Variants in PCDH15 observed in about 807,000 individuals in gnomAD.
PCDH15 encodes the protein protocadherin-15.
PCDH15 carries 129 observed loss-of-function variants against 178.5 expected under a neutral mutation model. The observed-to-expected ratio is 0.72, with a 90% CI of 0.63 to 0.84. The LOEUF (loss-of-function observed/expected upper bound fraction) is 0.84. Ranked by LOEUF, PCDH15 falls within the 40% of genes least tolerant of loss-of-function variation. The pLI is 0.00. For missense variants in PCDH15, 2,230 were observed against 2,099.9 expected (o/e 1.06, Z -1.21); for synonymous variants, 800 against 732.0 (o/e 1.09, Z -1.50).
At chr10:53,852,532 A>G (rs185111945) in intron 28 of PCDH15, among the ~76,000 whole-genome samples, 12 of 152,260 alleles carry the variant, frequency 7.9e-5, no homozygotes, top group Non-Finnish European at 1.6e-4. Context: ...TGATTCAGTG[A>G]GGTGAGGAGT....
At chr10:55,033,282 G>C (rs186184498) in intron 2 of PCDH15, among the ~76,000 whole-genome samples, 1 of 152,114 alleles carries the variant, frequency 6.6e-6, no homozygotes, top group South Asian at 2.1e-4. Flanking sequence ...AGGGCCGCTC[G>C]AGAGGCCAAA....
chr10:53,835,901 A>G (rs2077277533), intron 29 of PCDH15, among the ~76,000 whole-genome samples: 2 of 152,218 alleles, frequency 1.3e-5, no homozygotes, highest in Admixed American at 1.3e-4. Context: ...GGCAGGACAC[A>G]AGAGAATATT....
At chr10:54,931,357 T>A (rs531904082) in intron 2 of PCDH15, among the ~76,000 whole-genome samples, 1 of 152,344 alleles carries the variant, frequency 6.6e-6, no homozygotes, top group African/African-American at 2.4e-5. Flanking sequence ...AGTTAACCTC[T>A]ATATTCCAAA....
intron 37 of PCDH15, 34 bp downstream of exon 37, chr10:53,810,522 A>G (rs2075825496): frequency 6.3e-7 from 1 of 1,577,232 alleles, no homozygotes; most frequent in East Asian, 2.2e-5. Context: ...TTTTCTTGGA[A>G]TATTATCTTA....
At chr10:55,511,163 A>C (rs889896044) in intron 2 of PCDH15, among the ~76,000 whole-genome samples, 3 of 151,720 alleles carry the variant, frequency 2.0e-5, no homozygotes, top group Admixed American at 6.6e-5. Context: ...ATGAGTCACC[A>C]CACGTCTTAT....
At position 54,887,318 on chromosome 10, in the gene PCDH15, T is replaced by G. The variant is rs186538770; in HGVS notation, c.-29+10132A>C. 3.7e-3 allele frequency among the ~76,000 whole-genome samples: 561 copies of G among 152,310 alleles called. 5 individuals carry two copies. Among genetic ancestry groups the G allele is most frequent in the African/African-American group, 0.012 (510 of 41,570 alleles). On this transcript the variant is annotated intron_variant, in intron 3 of 5. Transcript: ENST00000458638. ...CATGAAAATTTCCATGATGAAGAGA[T>G]GCCTTTTGAAAATTTACATATTTAT...
intron 8 of PCDH15, among the ~76,000 whole-genome samples, chr10:54,313,229 A>G (rs2061017283): frequency 6.6e-6 from 1 of 152,150 alleles, no homozygotes; most frequent in Non-Finnish European, 1.5e-5. Context: ...TACTTTACAA[A>G]GGATTCAGAG....
At chr10:54,103,560 G>A (rs2094851775) in intron 15 of PCDH15, among the ~76,000 whole-genome samples, 1 of 152,086 alleles carries the variant, frequency 6.6e-6, no homozygotes, top group African/African-American at 2.4e-5. Context: ...CTGGTCAAGG[G>A]TATATCTTCA....
chr10:55,510,930 G>A (rs1840869080), intron 2 of PCDH15, among the ~76,000 whole-genome samples: 1 of 151,138 alleles, frequency 6.6e-6, no homozygotes, highest in Non-Finnish European at 1.5e-5. Context: ...GAGTGATCGT[G>A]GCTTACTAAA....
At chr10:55,401,189 A>G (rs1838054093) in intron 2 of PCDH15, among the ~76,000 whole-genome samples, 1 of 152,064 alleles carries the variant, frequency 6.6e-6, no homozygotes, top group Non-Finnish European at 1.5e-5. Context: ...AGCTTCTAAA[A>G]TGTGGATTCC....
chr10:53,888,085 T>A (rs1229065289), intron 26 of PCDH15, among the ~76,000 whole-genome samples: 1 of 151,376 alleles, frequency 6.6e-6, no homozygotes, highest in Non-Finnish European at 1.5e-5. Context: ...GAATATATAG[T>A]TTAAAAAATG....
intron 2 of PCDH15, among the ~76,000 whole-genome samples, chr10:55,117,303 G>T (rs1591915723): frequency 6.6e-6 from 1 of 152,102 alleles, no homozygotes; most frequent in African/African-American, 2.4e-5. Flanking sequence ...CCAGCCTTCT[G>T]CTGTATTCAT....
At chr10:54,398,501 A>G (rs1781332800) in intron 3 of PCDH15, among the ~76,000 whole-genome samples, 1 of 152,028 alleles carries the variant, frequency 6.6e-6, no homozygotes, top group African/African-American at 2.4e-5. Context: ...TTTGGTTACA[A>G]AATGAACCAT....
intron 2 of PCDH15, among the ~76,000 whole-genome samples, chr10:54,597,354 A>G (rs2134017719): frequency 6.6e-6 from 1 of 152,288 alleles, no homozygotes; most frequent in African/African-American, 2.4e-5. Flanking sequence ...ACTTTTGGGT[A>G]AATAATGAAA....
chr10:55,155,482 C>T (rs1170296381), intron 2 of PCDH15, among the ~76,000 whole-genome samples: 4 of 62,596 alleles, frequency 6.4e-5, no homozygotes, highest in African/African-American at 1.8e-4. Flanking sequence ...TTTCTGGCAA[C>T]CAATGCAAAA....
chr10:54,788,602 C>T (rs910560277), intron 1 of PCDH15, among the ~76,000 whole-genome samples: 1 of 151,848 alleles, frequency 6.6e-6, no homozygotes, highest in South Asian at 2.1e-4. Context: ...TGAAAGTAAA[C>T]CTAAAATCTG....
chr10:55,547,738 A>G (rs1250727563), intron 2 of PCDH15, among the ~76,000 whole-genome samples: 3 of 151,982 alleles, frequency 2.0e-5, no homozygotes, highest in African/African-American at 7.3e-5. Context: ...GAATTTTTGA[A>G]GCTAGGCTAT....
intron 26 of PCDH15, among the ~76,000 whole-genome samples, chr10:53,885,038 C>A (rs2080992082): frequency 6.6e-6 from 1 of 152,052 alleles, no homozygotes; most frequent in African/African-American, 2.4e-5. Context: ...GTAATTCATT[C>A]TTTAATAATG....
intron 3 of PCDH15, among the ~76,000 whole-genome samples, chr10:54,810,479 A>T (rs1952844990): frequency 6.6e-6 from 1 of 152,164 alleles, no homozygotes; most frequent in Non-Finnish European, 1.5e-5. Context: ...GATATTGTAC[A>T]TCTTTCTAGA....
Sources: gnomAD v4.1 joint callset for allele counts (sites outside exome capture counted in the v4.1 genomes callset) on GRCh38, gnomAD v4.1.1 for gene constraint, MANE v1.5 for transcripts, NCBI Gene and HGNC (gene_info 2026-07-23, HGNC 2026-07-21) for gene names.